CDC42BPA: variants seen among roughly 807,000 people sequenced by gnomAD.
CDC42BPA encodes the protein CDC42 binding protein kinase alpha.
A neutral mutation model predicts 223.5 loss-of-function variants in CDC42BPA; 80 were observed. The ratio of observed to expected loss-of-function variants is 0.36; its 90% CI spans 0.30 to 0.43. The LOEUF (loss-of-function observed/expected upper bound fraction) is 0.43, where lower values mean the gene tolerates loss of function less well. Among genes scored for constraint, CDC42BPA ranks in the 20% least tolerant of loss-of-function variants. The pLI, the probability that CDC42BPA is intolerant of heterozygous loss-of-function variation, is 1.00. For synonymous variants in CDC42BPA, 694 were observed against 718.6 expected (o/e 0.97, Z 0.55); for missense variants, 1,743 against 2,099.9 (o/e 0.83, Z 3.32).
chr1:227,304,405 C>CAAA (rs35882896), intron 1 of CDC42BPA, among the ~76,000 whole-genome samples: 2 of 141,836 alleles, frequency 1.4e-5, no homozygotes, highest in South Asian at 2.2e-4. Flanking sequence ...GATTCTATCT[C>CAAA]AAAAAAAAAA....
intron 5 of CDC42BPA, among the ~76,000 whole-genome samples, chr1:227,193,051 TGG>T (rs1436805325): frequency 6.7e-6 from 1 of 150,168 alleles, no homozygotes; most frequent in Non-Finnish European, 1.5e-5. Context: ...AAATGCTGAC[TGG>T]AAGTGAGAAC....
At chr1:227,036,356 TCC>T (rs1670225041) in intron 24 of CDC42BPA, among the ~76,000 whole-genome samples, 1 of 150,706 alleles carries the variant, frequency 6.6e-6, no homozygotes, top group African/African-American at 2.4e-5. Context: ...AAAATGATCC[TCC>T]TGTCTTAGCC....
intron 1 of CDC42BPA, among the ~76,000 whole-genome samples, chr1:227,276,946 G>A (rs1162296672): frequency 2.0e-5 from 3 of 151,966 alleles, no homozygotes; most frequent in East Asian, 1.9e-4. Flanking sequence ...GCGGAAGGCC[G>A]CAGGGTCCTC....
chr1:227,120,775 T>C (rs889478722), intron 11 of CDC42BPA, among the ~76,000 whole-genome samples: 1 of 152,148 alleles, frequency 6.6e-6, no homozygotes, highest in Admixed American at 6.5e-5. Flanking sequence ...CTCTGGATAT[T>C]TTCTGTTCTT....
intron 1 of CDC42BPA, among the ~76,000 whole-genome samples, chr1:227,273,651 G>A (rs1157698799): frequency 6.6e-6 from 1 of 151,960 alleles, no homozygotes; most frequent in Non-Finnish European, 1.5e-5. Context: ...AATGATGCCA[G>A]TGGAGACTTC....
chr1:227,083,081 G>C (rs1558457402), intron 16 of CDC42BPA, among the ~76,000 whole-genome samples: 1 of 151,946 alleles, frequency 6.6e-6, no homozygotes, highest in Non-Finnish European at 1.5e-5. Flanking sequence ...TGAATTTGTG[G>C]CTAAATGTTT....
chr1:227,173,235 T>C (rs2149952861), intron 5 of CDC42BPA, among the ~76,000 whole-genome samples: 1 of 152,324 alleles, frequency 6.6e-6, no homozygotes, highest in South Asian at 2.1e-4. Flanking sequence ...GTATCTGCCA[T>C]ATGAACATTA....
At chr1:227,035,343 AAATT>A (rs1670023993) in intron 25 of CDC42BPA, 124 bp downstream of exon 25, 1 of 680,168 alleles carries the variant, frequency 1.5e-6, no homozygotes, top group Non-Finnish European at 2.4e-6. Context: ...AGATGAAATA[AAATT>A]ATTAGATGAA....
intron 1 of CDC42BPA, among the ~76,000 whole-genome samples, chr1:227,271,740 C>G (rs1685990924): frequency 6.6e-6 from 1 of 152,128 alleles, no homozygotes; most frequent in Non-Finnish European, 1.5e-5. Flanking sequence ...ATGTATTTAA[C>G]TCTTTACTGA....
chr1:227,200,302 A>T (rs1671496659), intron 3 of CDC42BPA, among the ~76,000 whole-genome samples: 1 of 152,008 alleles, frequency 6.6e-6, no homozygotes, highest in Non-Finnish European at 1.5e-5. Context: ...GTGGTGGCAT[A>T]CACCTGTAAT....
intron 11 of CDC42BPA, among the ~76,000 whole-genome samples, chr1:227,121,186 A>T (rs1688607078): frequency 6.6e-6 from 1 of 152,170 alleles, no homozygotes; most frequent in South Asian, 2.1e-4. Context: ...AGGAACTTAG[A>T]TATGGAGAAT....
At chr1:227,148,569 AC>A (rs1212053303) in intron 6 of CDC42BPA, among the ~76,000 whole-genome samples, 1 of 151,966 alleles carries the variant, frequency 6.6e-6, no homozygotes, top group African/African-American at 2.4e-5. Flanking sequence ...CTAGACAAAC[AC>A]CCTGTCTAAC....
chr1:227,192,263 T>G (rs1394163649), intron 5 of CDC42BPA, among the ~76,000 whole-genome samples: 1 of 151,976 alleles, frequency 6.6e-6, no homozygotes, highest in Non-Finnish European at 1.5e-5. Context: ...GAGATCACTC[T>G]CACCACCCAA....
chr1:227,068,012 A>T (rs1461271517), intron 21 of CDC42BPA, among the ~76,000 whole-genome samples: 2 of 152,058 alleles, frequency 1.3e-5, no homozygotes, highest in Non-Finnish European at 2.9e-5. Context: ...ATTTAACAGG[A>T]ACTTCTAAAT....
At chr1:227,185,429 A>G (rs996199869) in intron 5 of CDC42BPA, among the ~76,000 whole-genome samples, 7 of 152,110 alleles carry the variant, frequency 4.6e-5, no homozygotes, top group Admixed American at 4.6e-4. Flanking sequence ...GGCTGCCCCT[A>G]CATATCCCCA....
At chr1:227,211,467 C>A (rs1256482909) in intron 3 of CDC42BPA, among the ~76,000 whole-genome samples, 1 of 152,108 alleles carries the variant, frequency 6.6e-6, no homozygotes, top group Non-Finnish European at 1.5e-5. Flanking sequence ...TATCACAGCA[C>A]TATTCCCAAT....
chr1:227,302,299 AT>A (rs1462912939), intron 1 of CDC42BPA, among the ~76,000 whole-genome samples: 1 of 152,154 alleles, frequency 6.6e-6, no homozygotes, highest in Non-Finnish European at 1.5e-5. Flanking sequence ...GAAGCTCCTT[AT>A]CCTAAGTAAA....
intron 5 of CDC42BPA, chr1:227,193,503 C>T: frequency 3.2e-6 from 1 of 316,624 alleles, no homozygotes; most frequent in Non-Finnish European, 5.7e-6. Context: ...TCATCCCTCA[C>T]CTCCTCCCAC....
In CDC42BPA at chr1:227,294,227, G is replaced by A. The variant is rs559973053; in HGVS notation, c.178+22778C>T. Among the ~76,000 whole-genome samples the A allele has an allele frequency of 1.2e-4, 18 of 151,750 alleles. 1 individual carries two copies. In the East Asian group the frequency reaches 2.3e-3, roughly 20 times the overall value. ...GCAGAGCTTGCAGTGAGCTGAGATCGCGCCACTGCACTCCAGCCTGGGCGA... is the reference window on the plus strand; with the variant it reads ...GCAGAGCTTGCAGTGAGCTGAGATCACGCCACTGCACTCCAGCCTGGGCGA... On this transcript the variant is annotated intron_variant, in intron 1 of 36. Transcript: ENST00000366766.
Sources: gnomAD v4.1 joint callset for allele counts (sites outside exome capture counted in the v4.1 genomes callset) on GRCh38, gnomAD v4.1.1 for gene constraint, MANE v1.5 for transcripts, NCBI Gene and HGNC (gene_info 2026-07-23, HGNC 2026-07-21) for gene names.